Variants in GUCA1C observed in about 807,000 individuals in gnomAD.
GUCA1C encodes the protein guanylyl cyclase-activating protein 3.
In GUCA1C, 15 loss-of-function variants were observed where a neutral mutation model predicts 16.2. That is an observed-to-expected ratio of 0.93 (90% CI 0.62 to 1.43). The LOEUF (loss-of-function observed/expected upper bound fraction) is 1.43. Ranked by LOEUF, GUCA1C falls within the 40% of genes most tolerant of loss-of-function variation. GUCA1C has a pLI of 0.00. For missense variants in GUCA1C, 275 were observed against 244.8 expected, an observed-to-expected ratio of 1.12 and a Z score of -0.82; for synonymous variants, 78 against 85.4, an observed-to-expected ratio of 0.91 and a Z score of 0.48.
chr3:108,916,038 G>C, intron 3 of GUCA1C, 89 bp downstream of exon 3: 2 of 1,548,026 alleles, frequency 1.3e-6, no homozygotes, highest in African/African-American at 2.7e-5. Context: ...TCTCTTGAAT[G>C]GTTCCTGCTT....
intron 1 of GUCA1C, among the ~76,000 whole-genome samples, chr3:108,940,938 C>G (rs1946779828): frequency 6.6e-6 from 1 of 152,178 alleles, no homozygotes; most frequent in Admixed American, 6.5e-5. Context: ...AGATTACATA[C>G]CCCAAGTAAG....
chr3:108,915,951 A>G, intron 3 of GUCA1C, 176 bp downstream of exon 3: 1 of 653,486 alleles, frequency 1.5e-6, no homozygotes, highest in Non-Finnish European at 2.5e-6. Flanking sequence ...GAATATGATC[A>G]ATAAATATTT....
chr3:108,926,172 CTA>C (rs1403541742), intron 1 of GUCA1C, among the ~76,000 whole-genome samples: 1 of 151,844 alleles, frequency 6.6e-6, no homozygotes, highest in Non-Finnish European at 1.5e-5. Flanking sequence ...CCATTTATTA[CTA>C]TATATTCCCC....
At chr3:108,952,583 G>C (rs113280321) in intron 1 of GUCA1C, among the ~76,000 whole-genome samples, 10 of 152,084 alleles carry the variant, frequency 6.6e-5, no homozygotes, top group African/African-American at 2.4e-4. Context: ...TAAGTCACCT[G>C]CTTCTTGGTT....
chr3:108,921,836 G>A (rs1346465720), intron 1 of GUCA1C, among the ~76,000 whole-genome samples: 2 of 151,952 alleles, frequency 1.3e-5, no homozygotes, highest in African/African-American at 2.4e-5. Flanking sequence ...TTGGTTACAT[G>A]AATACGTTTT....
At chr3:108,943,518 A>C (rs1488041876) in intron 1 of GUCA1C, among the ~76,000 whole-genome samples, 2 of 152,252 alleles carry the variant, frequency 1.3e-5, no homozygotes, top group South Asian at 2.1e-4. Context: ...ATGAATCAGG[A>C]GATAAGGAGG....
At chr3:108,942,202 G>T (rs1946793562) in intron 1 of GUCA1C, among the ~76,000 whole-genome samples, 1 of 152,160 alleles carries the variant, frequency 6.6e-6, no homozygotes, top group Non-Finnish European at 1.5e-5. Context: ...AGGATTCTAT[G>T]AAATAATAAA....
intron 1 of GUCA1C, among the ~76,000 whole-genome samples, chr3:108,924,000 G>T (rs1946595378): frequency 6.6e-6 from 1 of 152,128 alleles, no homozygotes; most frequent in Non-Finnish European, 1.5e-5. Flanking sequence ...CATTAATTTT[G>T]TATCCTTAAC....
chr3:108,942,725 C>A lies in GUCA1C; in HGVS notation c.204+10834G>T, dbSNP rs563829325. ...CAATGTGAGGGAAACCTCTCTCAAG[C>A]TTTGATTCTTTATTTACTTCTTTTT... On this transcript the variant is annotated intron_variant, in intron 1 of 3. Transcript: ENST00000261047. Among the ~76,000 whole-genome samples, 22 of 152,334 alleles carry A rather than the reference C, an allele frequency of 1.4e-4. No individual in the cohort carries two copies. In the South Asian group the frequency reaches 4.1e-3, roughly 29 times the overall value.
intron 1 of GUCA1C, among the ~76,000 whole-genome samples, chr3:108,941,915 G>T (rs16854978): frequency 6.6e-6 from 1 of 152,170 alleles, no homozygotes; most frequent in Non-Finnish European, 1.5e-5. Context: ...GACACCTAGA[G>T]TCTGTAGCCA....
intron 1 of GUCA1C, among the ~76,000 whole-genome samples, chr3:108,926,673 G>T (rs571056133): frequency 3.9e-5 from 6 of 152,126 alleles, no homozygotes; most frequent in African/African-American, 1.4e-4. Flanking sequence ...GTAGAGATGA[G>T]ATTTCACCAT....
At chr3:108,918,052 T>C (rs1946535187) in intron 2 of GUCA1C, among the ~76,000 whole-genome samples, 1 of 151,780 alleles carries the variant, frequency 6.6e-6, no homozygotes, top group Non-Finnish European at 1.5e-5. Context: ...CTCAAAAAAA[T>C]AAAAAAAACT....
chr3:108,922,352 A>G (rs971598455), intron 1 of GUCA1C, among the ~76,000 whole-genome samples: 8 of 152,148 alleles, frequency 5.3e-5, no homozygotes, highest in Non-Finnish European at 1.2e-4. Flanking sequence ...CTGGGTAGAT[A>G]CCTAGTAGTG....
chr3:108,931,844 G>A (rs777044589), intron 1 of GUCA1C, among the ~76,000 whole-genome samples: 6 of 149,586 alleles, frequency 4.0e-5, no homozygotes, highest in Non-Finnish European at 8.9e-5. Flanking sequence ...TGATCCAAGG[G>A]AACAGTTTTT....
rs553076056 is a variant in GUCA1C, at chr3:108,916,616, G to A, written c.355-402C>T. ...AAAGTAAAAGGATGACCACAATGCT[G>A]TAAGAGTCTCAAGCTTCCTCTCCGG... On this transcript the variant is annotated intron_variant, in intron 2 of 3. Transcript: ENST00000261047. Among the ~76,000 whole-genome samples the A allele has an allele frequency of 2.6e-5, 4 of 152,308 alleles. No homozygotes were observed. The South Asian group carries it at 8.3e-4, about 32-fold the overall frequency.
rs1052631569 is a variant in GUCA1C, at chr3:108,940,375, T to G, written c.204+13184A>C. On this transcript the variant is annotated intron_variant, in intron 1 of 3. Coordinates refer to ENST00000261047, the MANE Select transcript of GUCA1C (RefSeq NM_005459.4). The stretch of plus-strand genomic sequence containing the variant: ...TGATTATGACACAAGTTAAAAGGCA[T>G]GTTGCCTGCTCCAATTTTTAAGGGC... 2.0e-5 allele frequency among the ~76,000 whole-genome samples: 3 copies of G among 152,204 alleles called. No individual in the cohort carries two copies. In the East Asian group the frequency reaches 5.8e-4, roughly 29 times the overall value.
intron 3 of GUCA1C, among the ~76,000 whole-genome samples, chr3:108,913,233 A>T (rs1946474457): frequency 6.7e-6 from 1 of 149,734 alleles, no homozygotes; most frequent in East Asian, 1.9e-4. Flanking sequence ...AGAAATAAAT[A>T]TATATATATA....
intron 1 of GUCA1C, among the ~76,000 whole-genome samples, chr3:108,936,132 G>A (rs1946725368): frequency 6.6e-6 from 1 of 152,068 alleles, no homozygotes; most frequent in Admixed American, 6.5e-5. Flanking sequence ...AGGTGTTGTG[G>A]TGTGCACCTG....
intron 1 of GUCA1C, among the ~76,000 whole-genome samples, chr3:108,936,769 G>T (rs1176147618): frequency 2.0e-5 from 3 of 152,122 alleles, no homozygotes; most frequent in African/African-American, 7.2e-5. Context: ...GCTGCACCTT[G>T]GAGCCTGTGT....
Sources: allele counts gnomAD v4.1 joint callset (sites outside exome capture counted in the v4.1 genomes callset), GRCh38; gene constraint gnomAD v4.1.1; transcripts MANE v1.5; gene names NCBI Gene and HGNC (gene_info 2026-07-23, HGNC 2026-07-21).